The following IL20RA variants were observed in gnomAD, a reference collection of about 807,000 sequenced individuals.
The protein encoded by IL20RA is interleukin 20 receptor subunit alpha.
IL20RA carries 29 observed loss-of-function variants against 36.5 expected under a neutral mutation model. The observed-to-expected ratio is 0.79, with a 90% CI of 0.59 to 1.08. The LOEUF is 1.08. IL20RA is among the 50% of genes least tolerant of loss of function. The pLI is 0.00. For synonymous variants in IL20RA, 279 were observed against 267.1 expected (o/e 1.04, Z -0.43); for missense variants, 652 against 668.4 (o/e 0.98, Z 0.27).
At chr6:137,039,978 G>C (rs371967642) in intron 1 of IL20RA, among the ~76,000 whole-genome samples, 3 of 152,180 alleles carry the variant, frequency 2.0e-5, no homozygotes, top group African/African-American at 7.2e-5. Context: ...GACTAAGCCA[G>C]GTAACTTTGG....
chr6:137,009,546 G>T, intron 3 of IL20RA, 54 bp from the exon 4 acceptor site: 1 of 1,062,448 alleles, frequency 9.4e-7, no homozygotes, highest in Non-Finnish European at 1.4e-6. Flanking sequence ...ATTACCTTAG[G>T]TAAAGCTACC....
intron 1 of IL20RA, among the ~76,000 whole-genome samples, chr6:137,030,121 C>G (rs1321669990): frequency 1.8e-5 from 2 of 111,536 alleles, no homozygotes; most frequent in African/African-American, 6.2e-5. Flanking sequence ...GACTCTATCA[C>G]CCAGGCTGGA....
At chr6:137,023,503 T>A (rs1775981538) in intron 1 of IL20RA, among the ~76,000 whole-genome samples, 1 of 152,220 alleles carries the variant, frequency 6.6e-6, no homozygotes, top group Non-Finnish European at 1.5e-5. Flanking sequence ...TTCAAATGGA[T>A]CACTTCACTG....
chr6:137,033,045 A>G (rs1386896624), intron 1 of IL20RA, among the ~76,000 whole-genome samples: 1 of 152,218 alleles, frequency 6.6e-6, no homozygotes, highest in Non-Finnish European at 1.5e-5. Context: ...GGCTGCCAAA[A>G]CAAAGTACCA....
intron 1 of IL20RA, chr6:137,038,205 CTTTTTTTTTTTTTTT>C (rs780099085): frequency 7.0e-5 from 5 of 71,420 alleles, no homozygotes; most frequent in African/African-American, 1.3e-4. Context: ...TTTTGTTCTC[CTTTTTTTTTTTTTTT>C]TTTTTTTTTT....
chr6:137,000,183 A>G lies in IL20RA; in HGVS notation c.*1375T>C, dbSNP rs1774977398. 6.6e-6 allele frequency: 1 copy of G among 152,208 alleles called. No individual in the cohort carries two copies. Among genetic ancestry groups the G allele is most frequent in the Admixed American group, 6.5e-5 (1 of 15,270 alleles). 9.4% of individuals were successfully genotyped at this position (152,208 alleles called of 1,614,324 possible). A position where few individuals can be genotyped will look rare whatever the true frequency, so the allele number is the denominator to read the frequency against. ...AAACTGTTTGCATTTGCGGATAATC[A>G]CGAAAGGTCATGACCCCAGAATCCA... On this transcript the variant is annotated 3_prime_UTR_variant, in exon 7 of 7. Transcript: ENST00000316649.
At chr6:137,021,769 T>C (rs1775915205) in intron 1 of IL20RA, among the ~76,000 whole-genome samples, 1 of 152,180 alleles carries the variant, frequency 6.6e-6, no homozygotes, top group African/African-American at 2.4e-5. Context: ...TGTTAAAATG[T>C]ATTTAGTCGA....
rs151179091 is a variant in IL20RA at position 137,027,268 on chromosome 6, G to C, written c.89-10165C>G. Reference sequence around the variant, plus strand: ...AAGCTGCACAACTGTCGTCTATAAAGGACAGAGCACGATTCGGTGCTAGCA... The same window carrying C: ...AAGCTGCACAACTGTCGTCTATAAACGACAGAGCACGATTCGGTGCTAGCA... On this transcript the variant is annotated intron_variant, in intron 1 of 6. Transcript: ENST00000316649. Among the ~76,000 whole-genome samples, 799 of 152,294 alleles carry C rather than the reference G, an allele frequency of 5.2e-3. 6 individuals carry two copies. Among genetic ancestry groups the C allele is most frequent in the African/African-American group, 0.018 (745 of 41,554 alleles).
chr6:137,028,323 CAGG>C (rs1454454743), intron 1 of IL20RA, among the ~76,000 whole-genome samples: 1 of 150,356 alleles, frequency 6.7e-6, no homozygotes, highest in Non-Finnish European at 1.5e-5. Flanking sequence ...GAGGCTGAGG[CAGG>C]AGAATAGCTT....
intron 3 of IL20RA, among the ~76,000 whole-genome samples, chr6:137,010,328 C>T (rs1407422413): frequency 6.6e-6 from 1 of 152,218 alleles, no homozygotes. Context: ...ACTGTGTAAA[C>T]AAATGAGTGT....
intron 1 of IL20RA, among the ~76,000 whole-genome samples, chr6:137,036,954 C>G (rs1776512552): frequency 6.6e-6 from 1 of 151,978 alleles, no homozygotes; most frequent in Non-Finnish European, 1.5e-5. Context: ...AAAAGAAAAC[C>G]CTGCAAAGTT....
chr6:137,009,002 T>C, intron 4 of IL20RA: 2 of 556,140 alleles, frequency 3.6e-6, no homozygotes, highest in Non-Finnish European at 6.3e-6. Context: ...TTCATTGTCC[T>C]GGGTCCTTGC....
At chr6:137,037,068 G>A (rs1776515766) in intron 1 of IL20RA, among the ~76,000 whole-genome samples, 2 of 152,290 alleles carry the variant, frequency 1.3e-5, no homozygotes, top group South Asian at 4.1e-4. Flanking sequence ...AAATGTAGCT[G>A]TATGGAATGG....
chr6:137,040,297 T>C lies in IL20RA; in HGVS notation c.88+4344A>G, dbSNP rs192574677. Among the ~76,000 whole-genome samples the C allele has an allele frequency of 1.5e-3, 225 of 145,252 alleles. 4 individuals are homozygous for C. In the East Asian group the frequency reaches 0.016, roughly 10 times the overall value. The stretch of plus-strand genomic sequence containing the variant: ...ACACCCACAGATACATACAGAAATA[T>C]AGATGTGTGTGTATAACTACGTTAG... On this transcript the variant is annotated intron_variant, in intron 1 of 6. Coordinates refer to ENST00000316649, the MANE Select transcript of IL20RA (RefSeq NM_014432.4).
chr6:137,026,249 G>A (rs564997024), intron 1 of IL20RA, among the ~76,000 whole-genome samples: 1 of 152,300 alleles, frequency 6.6e-6, no homozygotes, highest in South Asian at 2.1e-4. Context: ...TGGACACCAG[G>A]TCTTATAAGG....
chr6:137,009,242 G>T, intron 4 of IL20RA, 75 bp downstream of exon 4: 1 of 1,133,436 alleles, frequency 8.8e-7, no homozygotes, highest in Non-Finnish European at 1.3e-6. Flanking sequence ...GAGAATCAAT[G>T]CATCAGGGTT....
chr6:137,013,641 A>C (rs1049007281), intron 2 of IL20RA, among the ~76,000 whole-genome samples: 1 of 152,214 alleles, frequency 6.6e-6, no homozygotes, highest in African/African-American at 2.4e-5. Flanking sequence ...TTAGTGCTAC[A>C]TTCTATTTTT....
chr6:137,001,812 C>T lies in IL20RA; in HGVS notation c.1408G>A (p.Gly470Arg), dbSNP rs746079940. 1.9e-6 allele frequency: 3 copies of T among 1,613,410 alleles called. No individual in the cohort carries two copies. The highest frequency in any genetic ancestry group is 2.2e-5 in the South Asian group (2 of 90,968). ...GTCGTCGATGGCTCTTCCTCCGGCC[C>T]CTCCTCCGAGTCTGTGTGCTCCTGC... is the stretch of plus-strand genomic sequence containing the variant. Reference protein sequence around the residue: ...LAQEHTDSEEGPEEEPSTTLV... With the variant: ...LAQEHTDSEERPEEEPSTTLV... Residue 470 changes from glycine (G) to arginine (R), a missense_variant, in exon 7 of 7, where the codon GGG (glycine) becomes AGG (arginine). Physicochemically the swap from Gly to Arg is moderately radical, Grantham distance 125. Transcript: ENST00000316649.
intron 2 of IL20RA, among the ~76,000 whole-genome samples, chr6:137,016,376 C>G (rs1405107218): frequency 6.6e-6 from 1 of 152,128 alleles, no homozygotes; most frequent in African/African-American, 2.4e-5. Context: ...GTGGTTGGAG[C>G]TGGGAAGGTG....
Sources: gnomAD v4.1 joint callset for allele counts (sites outside exome capture counted in the v4.1 genomes callset) on GRCh38, gnomAD v4.1.1 for gene constraint, MANE v1.5 for transcripts, NCBI Gene and HGNC (gene_info 2026-07-23, HGNC 2026-07-21) for gene names.